Variants in MBNL1 observed in about 807,000 individuals in gnomAD.
MBNL1 encodes the protein muscleblind-like protein 1.
MBNL1 carries 8 observed loss-of-function variants against 42.2 expected under a neutral mutation model. The observed-to-expected ratio is 0.19, with a 90% CI of 0.11 to 0.34. The LOEUF (loss-of-function observed/expected upper bound fraction) is 0.34. Among genes scored for constraint, MBNL1 ranks in the 10% least tolerant of loss-of-function variants. MBNL1 has a pLI of 1.00. For synonymous variants in MBNL1, 169 were observed against 173.9 expected (o/e 0.97, Z 0.22); for missense variants, 309 against 495.3 (o/e 0.62, Z 3.57).
chr3:152,367,134 C>T (rs369651121), intron 2 of MBNL1, among the ~76,000 whole-genome samples: 34 of 152,088 alleles, frequency 2.2e-4, no homozygotes, highest in Non-Finnish European at 4.4e-4. Context: ...CCCATCAACC[C>T]GTCATCTACA....
chr3:152,343,732 T>C (rs927849907), intron 2 of MBNL1, among the ~76,000 whole-genome samples: 3 of 152,064 alleles, frequency 2.0e-5, no homozygotes, highest in Non-Finnish European at 4.4e-5. Flanking sequence ...GTGTAGCCTA[T>C]TCAATAAATG....
intron 2 of MBNL1, among the ~76,000 whole-genome samples, chr3:152,408,529 A>G (rs892336778): frequency 1.3e-5 from 2 of 152,128 alleles, no homozygotes; most frequent in Non-Finnish European, 2.9e-5. Context: ...TGTTAGAAAT[A>G]GGTGCATAAT....
chr3:152,244,332 T>C (rs2032386697), exon 2 of MBNL1: 1 of 152,116 alleles, frequency 6.6e-6, no homozygotes, highest in Non-Finnish European at 1.5e-5. Context: ...GGAAAAAAAA[T>C]AATGTAACTA....
intron 2 of MBNL1, among the ~76,000 whole-genome samples, chr3:152,390,419 A>G (rs929561517): frequency 6.6e-6 from 1 of 152,066 alleles, no homozygotes; most frequent in Non-Finnish European, 1.5e-5. Context: ...TGGAGCTGTC[A>G]TCTCCTATGA....
chr3:152,342,005 T>G (rs2093345000), intron 2 of MBNL1, among the ~76,000 whole-genome samples: 3 of 152,172 alleles, frequency 2.0e-5, no homozygotes, highest in African/African-American at 7.2e-5. Flanking sequence ...TTACAATGAT[T>G]ATTTTATTTA....
At chr3:152,325,543 T>C (rs1215269864) in intron 2 of MBNL1, among the ~76,000 whole-genome samples, 4 of 152,134 alleles carry the variant, frequency 2.6e-5, no homozygotes, top group Non-Finnish European at 4.4e-5. Flanking sequence ...ATTGAAGATA[T>C]CTGTATTTTA....
intron 4 of MBNL1, 29 bp from the exon 5 acceptor site, chr3:152,445,253 T>TA: frequency 6.3e-7 from 1 of 1,585,412 alleles, no homozygotes; most frequent in Non-Finnish European, 8.6e-7. Flanking sequence ...TCATGTTGAC[T>TA]AAACCTCATG....
At chr3:152,373,336 G>A (rs1248925734) in intron 2 of MBNL1, among the ~76,000 whole-genome samples, 2 of 132,492 alleles carry the variant, frequency 1.5e-5, no homozygotes, top group Non-Finnish European at 3.2e-5. Flanking sequence ...TGTCACTGGG[G>A]TATGGAAAAA....
chr3:152,371,308 G>C (rs2096649808), intron 2 of MBNL1, among the ~76,000 whole-genome samples: 1 of 152,138 alleles, frequency 6.6e-6, no homozygotes, highest in Non-Finnish European at 1.5e-5. Flanking sequence ...TTTTCTTTAA[G>C]AATGTTGTGC....
At chr3:152,459,867 C>CTT (rs5853586) in intron 9 of MBNL1, among the ~76,000 whole-genome samples, 2 of 143,430 alleles carry the variant, frequency 1.4e-5, no homozygotes, top group Non-Finnish European at 3.0e-5. Flanking sequence ...TAGATTATCA[C>CTT]TTTTTTTTTT....
At chr3:152,393,421 G>C (rs1036280576) in intron 2 of MBNL1, among the ~76,000 whole-genome samples, 12 of 152,114 alleles carry the variant, frequency 7.9e-5, no homozygotes, top group African/African-American at 2.9e-4. Flanking sequence ...TCTGAGCATT[G>C]AATCTACCCA....
chr3:152,317,380 C>A (rs577896745), intron 2 of MBNL1, among the ~76,000 whole-genome samples: 1 of 151,950 alleles, frequency 6.6e-6, no homozygotes, highest in Non-Finnish European at 1.5e-5. Flanking sequence ...AGTGCAGTGG[C>A]GCAATCTTAG....
chr3:152,446,465 A>G (rs1461774043), intron 5 of MBNL1, among the ~76,000 whole-genome samples: 1 of 151,940 alleles, frequency 6.6e-6, no homozygotes, highest in Non-Finnish European at 1.5e-5. Flanking sequence ...CTTGTTTGTA[A>G]TTAACTACAA....
intron 1 of MBNL1, among the ~76,000 whole-genome samples, chr3:152,290,489 A>C (rs977475692): frequency 1.3e-5 from 2 of 152,118 alleles, no homozygotes; most frequent in African/African-American, 4.8e-5. Context: ...AAAATGCAGC[A>C]GATTTCACCA....
intron 1 of MBNL1, among the ~76,000 whole-genome samples, chr3:152,280,522 A>C (rs1427482650): frequency 6.6e-6 from 1 of 152,176 alleles, no homozygotes; most frequent in Non-Finnish European, 1.5e-5. Context: ...AAAGGTGGGC[A>C]CATACGGTTC....
At chr3:152,414,733 A>C (rs1486077719) in intron 2 of MBNL1, among the ~76,000 whole-genome samples, 1 of 152,170 alleles carries the variant, frequency 6.6e-6, no homozygotes, top group Non-Finnish European at 1.5e-5. Flanking sequence ...TAAGCTTTTA[A>C]ACTTCTTTAA....
At chr3:152,448,903 C>T (rs950368251) in intron 6 of MBNL1, among the ~76,000 whole-genome samples, 3 of 152,146 alleles carry the variant, frequency 2.0e-5, no homozygotes, top group Non-Finnish European at 4.4e-5. Flanking sequence ...GCCAGTGCCC[C>T]AGACACGTGG....
At chr3:152,353,671 C>CTTTT (rs34931833) in intron 2 of MBNL1, among the ~76,000 whole-genome samples, 12 of 116,488 alleles carry the variant, frequency 1.0e-4, no homozygotes, top group South Asian at 2.9e-4. Context: ...TCAACAAATC[C>CTTTT]TTTTTTTTTT....
intron 6 of MBNL1, among the ~76,000 whole-genome samples, chr3:152,454,010 A>G (rs1376506852): frequency 2.6e-5 from 4 of 152,144 alleles, no homozygotes; most frequent in African/African-American, 9.7e-5. Context: ...TAATGATTTT[A>G]TAAGATGTAG....
Sources: allele counts gnomAD v4.1 joint callset (sites outside exome capture counted in the v4.1 genomes callset), GRCh38; gene constraint gnomAD v4.1.1; transcripts MANE v1.5; gene names NCBI Gene and HGNC (gene_info 2026-07-23, HGNC 2026-07-21).